Variants in PDE8A observed in about 807,000 individuals in gnomAD.
PDE8A encodes high affinity cAMP-specific and IBMX-insensitive 3',5'-cyclic phosphodiesterase 8A.
In PDE8A, 59 loss-of-function variants were observed where a neutral mutation model predicts 105.0. The ratio of observed to expected loss-of-function variants is 0.56; its 90% CI spans 0.46 to 0.70. The LOEUF (loss-of-function observed/expected upper bound fraction) is 0.70. PDE8A is among the 30% of genes least tolerant of loss of function. PDE8A has a pLI of 0.00. For synonymous variants in PDE8A, 355 were observed against 371.9 expected, an observed-to-expected ratio of 0.95 and a Z score of 0.52; for missense variants, 1,014 against 1,045.9, an observed-to-expected ratio of 0.97 and a Z score of 0.42.
chr15:85,078,430 C>T (rs1030606126), intron 5 of PDE8A, among the ~76,000 whole-genome samples: 2 of 151,430 alleles, frequency 1.3e-5, no homozygotes, highest in South Asian at 2.1e-4. Context: ...CCTGTAATCC[C>T]AGCTACTTGG....
intron 3 of PDE8A, among the ~76,000 whole-genome samples, chr15:85,074,409 C>G (rs28522595): frequency 6.6e-6 from 1 of 152,106 alleles, no homozygotes; most frequent in African/African-American, 2.4e-5. Context: ...AAGACTGGGG[C>G]GGGGGCATTT....
intron 1 of PDE8A, among the ~76,000 whole-genome samples, chr15:84,995,013 TC>T (rs2079952511): frequency 6.6e-6 from 1 of 152,180 alleles, no homozygotes; most frequent in African/African-American, 2.4e-5. Context: ...ATACTATACT[TC>T]CCCTTAAATA....
intron 6 of PDE8A, among the ~76,000 whole-genome samples, chr15:85,088,694 TTTA>T (rs1483249413): frequency 6.6e-6 from 1 of 152,268 alleles, no homozygotes; most frequent in Admixed American, 6.5e-5. Flanking sequence ...GACTGTCTTT[TTTA>T]TTATTCAAGT....
Position 85,103,501 on chromosome 15 carries a change from G to A in PDE8A, c.1036+3303G>A, listed in dbSNP as rs542891980. On this transcript the variant is annotated intron_variant, in intron 11 of 21. Transcript: ENST00000394553. ...AGGTCTCAACTGGCCATCTTCACTT[G>A]AGAAGGCAGGGTGGAGCTGTTATAG... Among the ~76,000 whole-genome samples the A allele has an allele frequency of 1.3e-5, 2 of 152,332 alleles. 1 individual carries two copies. Among genetic ancestry groups the A allele is most frequent in the East Asian group, 3.9e-4 (2 of 5,184 alleles).
chr15:85,049,587 A>T (rs1205910762), intron 1 of PDE8A, among the ~76,000 whole-genome samples: 1 of 152,176 alleles, frequency 6.6e-6, no homozygotes, highest in Non-Finnish European at 1.5e-5. Context: ...AAATACATTT[A>T]TTCTTTATTT....
chr15:84,981,397 G>A (rs116893322), upstream of PDE8A, among the ~76,000 whole-genome samples: 17,336 of 152,204 alleles, frequency 0.11, 1,315 homozygotes, highest in Middle Eastern at 0.22. Context: ...AGCCGGAGCC[G>A]GAGCCGTACC....
intron 1 of PDE8A, among the ~76,000 whole-genome samples, chr15:85,062,154 T>C (rs1233301366): frequency 6.6e-6 from 1 of 152,224 alleles, no homozygotes; most frequent in Non-Finnish European, 1.5e-5. Context: ...CTTTCCTGTT[T>C]GTGTGCTTTG....
Position 85,136,574 on chromosome 15 carries a change from C to G in PDE8A, c.2294C>G (p.Pro765Arg). The G allele has an allele frequency of 6.2e-7, 1 of 1,613,758 alleles. No homozygotes were observed. Among genetic ancestry groups the G allele is most frequent in the Non-Finnish European group, 8.5e-7 (1 of 1,179,728 alleles). Residue 765 changes from proline to arginine, a missense_variant, in exon 21 of 22, where the codon CCA becomes CGA. Physicochemically the swap from Pro to Arg is moderately radical, Grantham distance 103 (BLOSUM62 -2). Coordinates refer to ENST00000394553, the MANE Select transcript of PDE8A (RefSeq NM_002605.3). ...EKQQGLPVVM[P>R]VFDRNTCSIP... ...CAGCAGGGCTTACCTGTGGTGATGC[C>G]AGTGTTTGACAGAAATACCTGCAGC...
intron 1 of PDE8A, among the ~76,000 whole-genome samples, chr15:84,993,048 T>C (rs1052161438): frequency 6.6e-6 from 1 of 152,220 alleles, no homozygotes; most frequent in Non-Finnish European, 1.5e-5. Flanking sequence ...TTAAAAAACC[T>C]TTCTTGTCTT....
intron 1 of PDE8A, among the ~76,000 whole-genome samples, chr15:85,062,331 T>A (rs7403468): frequency 6.6e-6 from 1 of 152,078 alleles, no homozygotes; most frequent in Non-Finnish European, 1.5e-5. Flanking sequence ...ACTCAAGGTC[T>A]TCTCAGGCAT....
chr15:85,032,114 T>A (rs746887759), intron 1 of PDE8A, among the ~76,000 whole-genome samples: 8 of 152,198 alleles, frequency 5.3e-5, no homozygotes, highest in Non-Finnish European at 1.0e-4. Flanking sequence ...TAGCCAGCTT[T>A]GAGGTTCAGT....
At chr15:85,076,031 G>C in intron 4 of PDE8A, 113 bp downstream of exon 4, 1 of 569,576 alleles carries the variant, frequency 1.8e-6, no homozygotes. Context: ...TTTGTAGTGT[G>C]GCCTTCTCTT....
chr15:85,105,387 TC>T lies in PDE8A; in HGVS notation c.1037-3664del, dbSNP rs1373938659. On this transcript the variant is annotated intron_variant, in intron 11 of 21. Coordinates refer to ENST00000394553, the MANE Select transcript of PDE8A (RefSeq NM_002605.3). ...TTGTTGATAGTGCCTGAGGAGATGT[TC>T]CGACAGTCAGCTGTGGTCCCGGCAG... is the stretch of plus-strand genomic sequence containing the variant. Among the ~76,000 whole-genome samples, 4 of 152,208 alleles carry T rather than the reference TC, an allele frequency of 2.6e-5. No homozygotes were observed. The East Asian group carries it at 5.8e-4, about 22-fold the overall frequency.
chr15:85,134,841 G>A (rs1445061241), intron 20 of PDE8A, among the ~76,000 whole-genome samples: 1 of 152,212 alleles, frequency 6.6e-6, no homozygotes, highest in Admixed American at 6.5e-5. Flanking sequence ...GGTAGAGCCA[G>A]GCCTCTGGGT....
chr15:85,033,900 A>G (rs2080659386), intron 1 of PDE8A, among the ~76,000 whole-genome samples: 1 of 152,180 alleles, frequency 6.6e-6, no homozygotes, highest in Non-Finnish European at 1.5e-5. Context: ...AATTCCCTAA[A>G]GAAGGAAACA....
rs1224048773 is a variant in PDE8A, at chr15:84,982,201, G to C, written c.39G>C (p.Leu13=). 3.4e-6 allele frequency: 5 copies of C among 1,485,610 alleles called. No individual in the cohort carries two copies. In the Admixed American group the frequency reaches 9.2e-5, roughly 27 times the overall value. The allele number at this position is 1,485,610 out of a possible 1,614,324, so 92.0% of individuals were successfully genotyped here. Reference sequence around the variant, plus strand: ...CGAGCATCCACATTTCCGAGCGCCTGGTGGCCGAGGACGCGCCTAGCCCCG... The same window carrying C: ...CGAGCATCCACATTTCCGAGCGCCTCGTGGCCGAGGACGCGCCTAGCCCCG... ...CAPSIHISER[L]VAEDAPSPAA... is the part of the protein sequence containing the mutation. Residue 13 remains leucine, a synonymous_variant, in exon 1 of 22, where the codon CTG becomes CTC. Transcript: ENST00000394553.
chr15:85,011,802 C>A (rs560289439), intron 1 of PDE8A, among the ~76,000 whole-genome samples: 12 of 152,198 alleles, frequency 7.9e-5, no homozygotes, highest in African/African-American at 2.9e-4. Flanking sequence ...GCTCATCTGA[C>A]AAAGGGCTAA....
intron 3 of PDE8A, among the ~76,000 whole-genome samples, chr15:85,073,500 A>G (rs746850880): frequency 4.7e-4 from 72 of 152,284 alleles, no homozygotes; most frequent in African/African-American, 1.7e-3. Context: ...GTCTCCAGAT[A>G]GGAGTAGTTC....
intron 1 of PDE8A, among the ~76,000 whole-genome samples, chr15:84,997,230 G>T (rs1032402545): frequency 6.6e-6 from 1 of 151,598 alleles, no homozygotes. Context: ...GTCTCACTCT[G>T]TCACCCAGGC....
Sources: allele counts gnomAD v4.1 joint callset (sites outside exome capture counted in the v4.1 genomes callset), GRCh38; gene constraint gnomAD v4.1.1; transcripts MANE v1.5; gene names NCBI Gene and HGNC (gene_info 2026-07-23, HGNC 2026-07-21).